CCSER1: variants seen among roughly 807,000 people sequenced by gnomAD.
The protein encoded by CCSER1 is coiled-coil serine rich protein 1, also known as serine-rich coiled-coil domain-containing protein 1.
Under a neutral mutation model 82.0 loss-of-function variants are expected in CCSER1, and 41 were observed. The observed-to-expected ratio is 0.50, with a 90% confidence interval of 0.39 to 0.65. CCSER1 has a LOEUF of 0.65. Ranked by LOEUF, CCSER1 falls within the 30% of genes least tolerant of loss-of-function variation. CCSER1 has a pLI of 0.00. For missense variants in CCSER1, 1,119 were observed against 1,064.2 expected (o/e 1.05, Z -0.72); for synonymous variants, 414 against 383.9 (o/e 1.08, Z -0.92).
intron 1 of CCSER1, among the ~76,000 whole-genome samples, chr4:90,147,468 C>T (rs1433239006): frequency 6.6e-6 from 1 of 152,002 alleles, no homozygotes; most frequent in African/African-American, 2.4e-5. Context: ...AAATATGCAT[C>T]TAGTAATTAT....
At position 90,628,186 on chromosome 4, in the gene CCSER1, C is replaced by A; in HGVS notation, c.1886C>A (p.Thr629Lys). The A allele has an allele frequency of 6.2e-7, 1 of 1,613,672 alleles. No homozygotes were observed. The highest frequency in any genetic ancestry group is 8.5e-7 in the Non-Finnish European group (1 of 1,179,728). ...TTCAGACTGATGTTACAGGACTGCA[C>A]GGCAGTCAAGACGTTATTATTAAAG... ...LPFRLMLQDC[T>K]AVKTLLLKMK... Residue 629 changes from threonine (T) to lysine (K), a missense_variant, in exon 6 of 11, where the codon ACG (threonine) becomes AAG (lysine). Thr to Lys is a moderately conservative substitution (Grantham distance 78). Coordinates refer to ENST00000509176, the MANE Select transcript of CCSER1 (RefSeq NM_001145065.2).
intron 10 of CCSER1, among the ~76,000 whole-genome samples, chr4:91,381,679 A>C (rs1750907941): frequency 6.6e-6 from 1 of 151,956 alleles, no homozygotes; most frequent in African/African-American, 2.4e-5. Flanking sequence ...CTTCTTTGTG[A>C]TGGGTTCAAG....
At chr4:90,937,378 T>G (rs1244397198) in intron 9 of CCSER1, among the ~76,000 whole-genome samples, 1 of 152,060 alleles carries the variant, frequency 6.6e-6, no homozygotes, top group African/African-American at 2.4e-5. Flanking sequence ...TTTGGTCTTG[T>G]CATGTTACAC....
chr4:90,561,852 A>G (rs1778792826), intron 5 of CCSER1, among the ~76,000 whole-genome samples: 1 of 152,180 alleles, frequency 6.6e-6, no homozygotes, highest in African/African-American at 2.4e-5. Context: ...AAAATGATAT[A>G]ACTAATAATA....
At chr4:90,413,786 A>AG (rs1755275822) in intron 4 of CCSER1, among the ~76,000 whole-genome samples, 1 of 144,102 alleles carries the variant, frequency 6.9e-6, no homozygotes, top group African/African-American at 2.7e-5. Flanking sequence ...CACTAAAAAT[A>AG]CAAAAAAAAA....
chr4:90,886,791 G>T (rs1233036314), intron 8 of CCSER1, among the ~76,000 whole-genome samples: 1 of 152,048 alleles, frequency 6.6e-6, no homozygotes, highest in Non-Finnish European at 1.5e-5. Flanking sequence ...CCATTATAAA[G>T]AATATTTCTT....
chr4:90,385,749 G>T (rs891213074), intron 3 of CCSER1, among the ~76,000 whole-genome samples: 9 of 151,784 alleles, frequency 5.9e-5, no homozygotes, highest in Admixed American at 5.3e-4. Flanking sequence ...GTGATGTTAA[G>T]CATTTTTTCA....
At chr4:91,053,874 C>T (rs73834749) in intron 9 of CCSER1, among the ~76,000 whole-genome samples, 2,105 of 152,264 alleles carry the variant, frequency 0.014, 53 homozygotes, top group African/African-American at 0.047. Flanking sequence ...ATGTCTTGCT[C>T]ATTTTAGCTG....
At chr4:91,319,680 C>T in intron 10 of CCSER1, 1 of 455,802 alleles carries the variant, frequency 2.2e-6, no homozygotes, top group Non-Finnish European at 4.4e-6. Context: ...CTCCCTTCTC[C>T]ACTTAGTCTT....
chr4:90,529,755 C>T (rs905538535), intron 5 of CCSER1, among the ~76,000 whole-genome samples: 3 of 151,884 alleles, frequency 2.0e-5, no homozygotes, highest in African/African-American at 7.3e-5. Context: ...ATTTTCATTA[C>T]TTTTCAGCTC....
intron 10 of CCSER1, among the ~76,000 whole-genome samples, chr4:91,583,140 A>C (rs1041246247): frequency 6.6e-6 from 1 of 151,354 alleles, no homozygotes; most frequent in South Asian, 2.1e-4. Context: ...GGCTATGAGA[A>C]TAAATCCTTT....
At chr4:90,459,523 G>C (rs1400191103) in intron 4 of CCSER1, among the ~76,000 whole-genome samples, 2 of 152,104 alleles carry the variant, frequency 1.3e-5, no homozygotes, top group African/African-American at 4.8e-5. Context: ...TTCAAATTCA[G>C]TGTGTCCGTA....
chr4:91,176,851 A>C (rs1733431065), intron 10 of CCSER1, among the ~76,000 whole-genome samples: 1 of 152,164 alleles, frequency 6.6e-6, no homozygotes. Flanking sequence ...AACTTCCAAC[A>C]CTATGTTGAA....
At position 91,496,786 on chromosome 4, in the gene CCSER1, TTGA is replaced by T. The variant is rs373379082; in HGVS notation, c.2218-101785_2218-101783del. Among the ~76,000 whole-genome samples the T allele has an allele frequency of 2.4e-4, 21 of 87,838 alleles. 4 individuals are homozygous for T. The highest frequency in any genetic ancestry group is 2.3e-3 in the Admixed American group (16 of 6,864). The allele number at this position is 87,838 out of a possible 152,430, so 57.6% of individuals were successfully genotyped here. ...ATATTCAATATATATTGAATATATA[TTGA>T]ATATATATTTGAATATATATATATT... On this transcript the variant is annotated intron_variant, in intron 10 of 10. Transcript: ENST00000509176.
chr4:90,757,547 A>G (rs925955752), intron 7 of CCSER1, among the ~76,000 whole-genome samples: 15 of 152,222 alleles, frequency 9.9e-5, no homozygotes, highest in Non-Finnish European at 1.9e-4. Flanking sequence ...ATGGCCTCCT[A>G]TAAAGTTTAT....
chr4:91,119,251 C>A (rs1488815284), intron 10 of CCSER1, among the ~76,000 whole-genome samples: 1 of 152,084 alleles, frequency 6.6e-6, no homozygotes, highest in Non-Finnish European at 1.5e-5. Flanking sequence ...GAGTATTATT[C>A]TTTCAATCTT....
chr4:91,535,106 G>C (rs577072477), intron 10 of CCSER1, among the ~76,000 whole-genome samples: 1 of 151,806 alleles, frequency 6.6e-6, no homozygotes, highest in African/African-American at 2.4e-5. Context: ...TAAACTAGAG[G>C]ATTTTAGCAT....
intron 10 of CCSER1, among the ~76,000 whole-genome samples, chr4:91,353,945 C>T (rs563961520): frequency 6.6e-6 from 1 of 152,278 alleles, no homozygotes; most frequent in African/African-American, 2.4e-5. Context: ...ACTATATTTT[C>T]AACTACTTCC....
intron 10 of CCSER1, among the ~76,000 whole-genome samples, chr4:91,362,644 A>G (rs1371961532): frequency 6.6e-6 from 1 of 151,886 alleles, no homozygotes; most frequent in Non-Finnish European, 1.5e-5. Flanking sequence ...CACAGAGAGC[A>G]TATAGATTGA....
Sources: gnomAD v4.1 joint callset for allele counts (sites outside exome capture counted in the v4.1 genomes callset) on GRCh38, gnomAD v4.1.1 for gene constraint, MANE v1.5 for transcripts, NCBI Gene and HGNC (gene_info 2026-07-23, HGNC 2026-07-21) for gene names.